Variants in ARF1 observed in about 807,000 individuals in gnomAD.
ARF1 encodes ARF GTPase 1.
ARF1 carries 1 observed loss-of-function variant against 18.0 expected under a neutral mutation model. The ratio of observed to expected loss-of-function variants is 0.06; its 90% CI spans 0.02 to 0.26. The LOEUF (loss-of-function observed/expected upper bound fraction) is 0.26, where lower values mean the gene tolerates loss of function less well. ARF1 is among the 10% of genes least tolerant of loss of function. ARF1 has a pLI of 1.00. For missense variants in ARF1, 73 were observed against 247.2 expected (o/e 0.30, Z 4.73); for synonymous variants, 112 against 96.3 (o/e 1.16, Z -0.95).
At chr1:228,094,060 C>T (rs891467387) in intron 1 of ARF1, among the ~76,000 whole-genome samples, 1 of 151,676 alleles carries the variant, frequency 6.6e-6, no homozygotes, top group African/African-American at 2.4e-5. Flanking sequence ...GCATGGTTGG[C>T]GGCACTGCCC....
At chr1:228,084,098 C>G (rs1437872755) in intron 1 of ARF1, among the ~76,000 whole-genome samples, 1 of 152,182 alleles carries the variant, frequency 6.6e-6, no homozygotes, top group Non-Finnish European at 1.5e-5. Flanking sequence ...TGCCGCGGTG[C>G]AGTTGTGTGC....
chr1:228,087,306 C>T (rs544657513), intron 1 of ARF1, among the ~76,000 whole-genome samples: 2 of 152,350 alleles, frequency 1.3e-5, no homozygotes, highest in East Asian at 3.9e-4. Context: ...AAGAAGCTAT[C>T]ATCTATACTC....
intron 1 of ARF1, among the ~76,000 whole-genome samples, chr1:228,088,488 GGTC>G (rs200601102): frequency 0.01 from 1,582 of 152,218 alleles, 30 homozygotes; most frequent in African/African-American, 0.036. Flanking sequence ...ATGTAGGGGA[GGTC>G]GTCTGATGTC....
chr1:228,094,450 C>T (rs2032671278), intron 1 of ARF1, among the ~76,000 whole-genome samples: 1 of 152,122 alleles, frequency 6.6e-6, no homozygotes, highest in African/African-American at 2.4e-5. Flanking sequence ...CTTTTCGTTC[C>T]ATTTCATGCT....
At chr1:228,093,948 T>C (rs1293131146) in intron 1 of ARF1, among the ~76,000 whole-genome samples, 10 of 120,612 alleles carry the variant, frequency 8.3e-5, no homozygotes, top group African/African-American at 3.4e-4. Flanking sequence ...AGAGTGAGAC[T>C]CTGTCTCAAA....
In ARF1 at chr1:228,097,986, G is replaced by A. The variant is rs1188651691; in HGVS notation, c.519G>A (p.Leu173=). 2.5e-6 allele frequency: 4 copies of A among 1,614,018 alleles called. No individual in the cohort carries two copies. Among genetic ancestry groups the A allele is most frequent in the Admixed American group, 3.3e-5 (2 of 59,980 alleles). Residue 173 remains leucine, a synonymous_variant, in exon 5 of 5, where the codon CTG becomes CTA. Transcript: ENST00000272102. The surrounding 1 kb of genome is among the most constrained non-coding windows in gnomAD (Gnocchi z 8.1). ...GGCTCTATGAAGGACTGGACTGGCT[G>A]TCCAATCAGCTCCGGAACCAGAAGT... ...GDGLYEGLDW[L]SNQLRNQK
intron 1 of ARF1, among the ~76,000 whole-genome samples, chr1:228,094,532 A>G (rs1030273370): frequency 6.6e-6 from 1 of 151,972 alleles, no homozygotes; most frequent in African/African-American, 2.4e-5. Flanking sequence ...CCATAATAAG[A>G]ATACGTAGGT....
intron 1 of ARF1, 113 bp from the exon 2 acceptor site, chr1:228,096,965 C>G: frequency 2.0e-6 from 2 of 995,642 alleles, no homozygotes; most frequent in Non-Finnish European, 2.9e-6. Context: ...CCCTGTTTCC[C>G]TGCAGGCTTC....
intron 1 of ARF1, chr1:228,096,310 C>G (rs143956326): frequency 1.3e-5 from 2 of 152,388 alleles, no homozygotes; most frequent in African/African-American, 4.8e-5. Context: ...GCCCCGCTTG[C>G]GGGTGCAGTG....
intron 1 of ARF1, among the ~76,000 whole-genome samples, chr1:228,086,559 G>T (rs1298205142): frequency 6.6e-6 from 1 of 151,934 alleles, no homozygotes; most frequent in African/African-American, 2.4e-5. Flanking sequence ...GAAATTCCTT[G>T]TTGATGGGAA....
chr1:228,093,298 G>A (rs2032628631), intron 1 of ARF1, among the ~76,000 whole-genome samples: 1 of 152,162 alleles, frequency 6.6e-6, no homozygotes, highest in African/African-American at 2.4e-5. Flanking sequence ...AGAGGCCCTG[G>A]AATTGAGGGT....
intron 1 of ARF1, among the ~76,000 whole-genome samples, chr1:228,095,526 T>G (rs957186677): frequency 4.0e-5 from 6 of 151,800 alleles, no homozygotes; most frequent in Non-Finnish European, 5.9e-5. Context: ...ATTTTGGGGG[T>G]TTTTGTTTTG....
Position 228,097,207 on chromosome 1 carries a change from C to T in ARF1, c.93C>T (p.Thr31=), listed in dbSNP as rs763048237. 1 of 1,613,952 alleles carries T rather than the reference C, an allele frequency of 6.2e-7. No homozygotes were observed. The highest frequency in any genetic ancestry group is 1.1e-5 in the South Asian group (1 of 91,018). ...LMVGLDAAGK[T]TILYKLKLGE... is the part of the protein sequence containing the mutation. ...TGGGCCTGGATGCTGCAGGGAAGAC[C>T]ACGATCCTCTACAAGCTTAAGCTGG... The change falls in exon 2 of 5, where the codon ACC becomes ACT. Residue 31 remains threonine (T), a synonymous_variant. Coordinates refer to ENST00000272102, the MANE Select transcript of ARF1 (RefSeq NM_001658.4). The surrounding 1 kb of genome is among the most constrained non-coding windows in gnomAD (Gnocchi z 8.1).
chr1:228,088,710 A>G (rs971461367), intron 1 of ARF1, among the ~76,000 whole-genome samples: 2 of 152,150 alleles, frequency 1.3e-5, no homozygotes, highest in African/African-American at 2.4e-5. Context: ...GTGTCAGTGC[A>G]TGAGCAGCCT....
chr1:228,095,901 ATAAATTTCAGAACTCATT>A (rs2032730893), intron 1 of ARF1, among the ~76,000 whole-genome samples: 1 of 152,368 alleles, frequency 6.6e-6, no homozygotes, highest in African/African-American at 2.4e-5. Flanking sequence ...GAAGGTCCTT[ATAAATTTCAGAACTCATT>A]TAAATTTCAG....
chr1:228,083,698 C>T (rs971900046), intron 1 of ARF1, among the ~76,000 whole-genome samples: 1 of 152,266 alleles, frequency 6.6e-6, no homozygotes, highest in Non-Finnish European at 1.5e-5. Context: ...GCCGCAGAGG[C>T]CGGCCCCAGC....
rs55686465 is a variant in ARF1 at position 228,094,978 on chromosome 1, G to C, written c.-37-2100G>C. Among the ~76,000 whole-genome samples, 1,040 of 152,246 alleles carry C rather than the reference G, an allele frequency of 6.8e-3. 7 individuals are homozygous for C. Among genetic ancestry groups the C allele is most frequent in the African/African-American group, 0.021 (864 of 41,546 alleles). ...ATTCCTGGGTCCCCACTCTGGAACA[G>C]GGAAAAATTTCACCCCGTAATTTCG... is the stretch of plus-strand genomic sequence containing the variant. On this transcript the variant is annotated intron_variant, in intron 1 of 4. Transcript: ENST00000272102.
At chr1:228,090,292 T>C (rs2032536941) in intron 1 of ARF1, among the ~76,000 whole-genome samples, 2 of 152,184 alleles carry the variant, frequency 1.3e-5, no homozygotes, top group South Asian at 4.1e-4. Flanking sequence ...TCCAGGGCAT[T>C]GGGACCTCAC....
In ARF1 at chr1:228,097,210, G is replaced by C. The variant is rs774332380; in HGVS notation, c.96G>C (p.Thr32=). The change falls in exon 2 of 5, where the codon ACG becomes ACC. Residue 32 remains threonine (T), a synonymous_variant. Coordinates refer to ENST00000272102, the MANE Select transcript of ARF1 (RefSeq NM_001658.4). The surrounding 1 kb of genome is among the most constrained non-coding windows in gnomAD (Gnocchi z 8.1). ...MVGLDAAGKT[T]ILYKLKLGEI... ...GCCTGGATGCTGCAGGGAAGACCAC[G>C]ATCCTCTACAAGCTTAAGCTGGGTG... 6.2e-7 allele frequency: 1 copy of C among 1,613,912 alleles called. No homozygotes were observed. The highest frequency in any genetic ancestry group is 1.1e-5 in the South Asian group (1 of 91,018).
Sources: gnomAD v4.1 joint callset for allele counts (sites outside exome capture counted in the v4.1 genomes callset) on GRCh38, gnomAD v4.1.1 for gene constraint, Gnocchi (gnomAD v3.1) non-coding constraint, MANE v1.5 for transcripts, NCBI Gene and HGNC (gene_info 2026-07-23, HGNC 2026-07-21) for gene names.